The following PLG variants were observed in gnomAD, a reference collection of about 807,000 sequenced individuals.
PLG encodes the protein plasminogen.
PLG carries 41 observed loss-of-function variants against 104.4 expected under a neutral mutation model. The observed-to-expected ratio is 0.39, with a 90% CI of 0.31 to 0.51. PLG has a LOEUF of 0.51. PLG is among the 20% of genes least tolerant of loss of function. PLG has a pLI of 0.76. For missense variants in PLG, 891 were observed against 1,003.6 expected (o/e 0.89, Z 1.52); for synonymous variants, 337 against 357.1 (o/e 0.94, Z 0.63).
chr6:160,723,062 TATATG>T lies in PLG; in HGVS notation c.1256+497_1256+501del, dbSNP rs1375063998. Among the ~76,000 whole-genome samples the T allele has an allele frequency of 2.1e-5, 3 of 145,676 alleles. No individual in the cohort carries two copies. The highest frequency in any genetic ancestry group is 2.0e-4 in the Admixed American group (3 of 14,862). ...ATGTGTGCATATATAAATACACACA[TATATG>T]AGATATACAAGTATACATATATAGT... On this transcript the variant is annotated intron_variant, in intron 10 of 18. Coordinates refer to ENST00000308192, the MANE Select transcript of PLG (RefSeq NM_000301.5). The surrounding 1 kb of genome is among the most constrained non-coding windows in gnomAD (Gnocchi z 4.7).
rs1397973976 is a variant in PLG, at chr6:160,740,461, C to T, written c.2019-850C>T. On this transcript the variant is annotated intron_variant, in intron 16 of 18. Transcript: ENST00000308192. The surrounding 1 kb of genome is among the most constrained non-coding windows in gnomAD (Gnocchi z 5.2). ...ATACATTTCGAGTTTAGAGTTCCCA[C>T]CCCACATCCCCACACCCCGAGTCTA... is the stretch of plus-strand genomic sequence containing the variant. 6.6e-6 allele frequency among the ~76,000 whole-genome samples: 1 copy of T among 152,056 alleles called. No homozygotes were observed. Among genetic ancestry groups the T allele is most frequent in the African/African-American group, 2.4e-5 (1 of 41,396 alleles).
In PLG at chr6:160,737,058, C is replaced by A. The variant is rs1778097439; in HGVS notation, c.1802+51C>A. 6.2e-7 allele frequency: 1 copy of A among 1,607,732 alleles called. No homozygotes were observed. On this transcript the variant is annotated intron_variant, in intron 14 of 18. Coordinates refer to ENST00000308192, the MANE Select transcript of PLG (RefSeq NM_000301.5). The surrounding 1 kb of genome is among the most constrained non-coding windows in gnomAD (Gnocchi z 4.7). The stretch of plus-strand genomic sequence containing the variant: ...ATACTGTCCCTCCACGTAAGCCCTG[C>A]AAAACCCTTCTACATTTACATAAAA...
chr6:160,723,079 T>C lies in PLG; in HGVS notation c.1256+512T>C, dbSNP rs774246196. ...TACACACATATATGAGATATACAAG[T>C]ATACATATATAGTGTGTATATATAT... On this transcript the variant is annotated intron_variant, in intron 10 of 18. Transcript: ENST00000308192. The surrounding 1 kb of genome is among the most constrained non-coding windows in gnomAD (Gnocchi z 4.7). Among the ~76,000 whole-genome samples the C allele has an allele frequency of 6.6e-5, 10 of 151,376 alleles. No homozygotes were observed. The highest frequency in any genetic ancestry group is 1.5e-4 in the Non-Finnish European group (10 of 67,888).
At position 160,703,253 on chromosome 6, in the gene PLG, G is replaced by A. The variant is rs564082292; in HGVS notation, c.49+900G>A. On this transcript the variant is annotated intron_variant, in intron 1 of 18. Coordinates refer to ENST00000308192, the MANE Select transcript of PLG (RefSeq NM_000301.5). ...GAAAGAATATTCTAAACATGTCCTA[G>A]TACTTCTTTTTCTTTAAAAAAAAAA... Among the ~76,000 whole-genome samples, 123 of 139,624 alleles carry A rather than the reference G, an allele frequency of 8.8e-4. 1 individual carries two copies. Among genetic ancestry groups the A allele is most frequent in the African/African-American group, 3.3e-3 (120 of 36,768 alleles). The allele number at this position is 139,624 out of a possible 152,430, so 91.6% of individuals were successfully genotyped here.
chr6:160,743,976 T>G (rs2115183604), intron 17 of PLG, among the ~76,000 whole-genome samples: 1 of 152,374 alleles, frequency 6.6e-6, no homozygotes, highest in Non-Finnish European at 1.5e-5. Flanking sequence ...GATTTATGTA[T>G]GTTGAACCAA....
rs1477788487 is a variant in PLG, at chr6:160,739,804, AC to A, written c.2018+597del. ...AAAACAAAAAACAAACAAAAAAAAAACAACTTCACAATGTCAAAAAAATCAC... is the reference window on the plus strand; with the variant it reads ...AAAACAAAAAACAAACAAAAAAAAAAAACTTCACAATGTCAAAAAAATCAC... On this transcript the variant is annotated intron_variant, in intron 16 of 18. Coordinates refer to ENST00000308192, the MANE Select transcript of PLG (RefSeq NM_000301.5). The surrounding 1 kb of genome is among the most constrained non-coding windows in gnomAD (Gnocchi z 4.4). 1.3e-5 allele frequency among the ~76,000 whole-genome samples: 2 copies of A among 151,072 alleles called. No homozygotes were observed. Among genetic ancestry groups the A allele is most frequent in the East Asian group, 1.9e-4 (1 of 5,194 alleles).
chr6:160,711,608 T>TG, intron 4 of PLG: 1 of 1,610,464 alleles, frequency 6.2e-7, no homozygotes, highest in Admixed American at 1.7e-5. Flanking sequence ...TTGATGTCGA[T>TG]GTTCAACTAT....
At position 160,706,463 on chromosome 6, in the gene PLG, G is replaced by A; in HGVS notation, c.106G>A (p.Val36Ile). ...VNTQGASLFS[V>I]TKKQLGAGSI... ...TACCCAGGGGGCTTCACTGTTCAGT[G>A]TCACTAAGAAGCAGCTGGGAGCAGG... Residue 36 changes from valine (V) to isoleucine (I), a missense_variant, in exon 2 of 19, where the codon GTC (valine) becomes ATC (isoleucine). Val to Ile is a conservative substitution (Grantham distance 29). Coordinates refer to ENST00000308192, the MANE Select transcript of PLG (RefSeq NM_000301.5). The A allele has an allele frequency of 6.2e-7, 1 of 1,613,856 alleles. No individual in the cohort carries two copies. Among genetic ancestry groups the A allele is most frequent in the Non-Finnish European group, 8.5e-7 (1 of 1,179,770 alleles).
At chr6:160,718,998 T>G (rs945785588) in intron 9 of PLG, among the ~76,000 whole-genome samples, 160 bp downstream of exon 9, 1 of 152,222 alleles carries the variant, frequency 6.6e-6, no homozygotes, top group Non-Finnish European at 1.5e-5. Flanking sequence ...TGTTGAGGTT[T>G]GTTTTATGGT....
chr6:160,721,525 G>C (rs924791646), intron 9 of PLG, among the ~76,000 whole-genome samples: 5 of 152,212 alleles, frequency 3.3e-5, no homozygotes. Context: ...GGGGCCTGGG[G>C]TGCTAAAGAG....
chr6:160,714,748 T>C, intron 5 of PLG, 46 bp from the exon 6 acceptor site: 9 of 1,606,118 alleles, frequency 5.6e-6, no homozygotes, highest in Non-Finnish European at 6.8e-6. Context: ...CTTCATCCAT[T>C]TCAGTTTTCT....
At position 160,713,091 on chromosome 6, in the gene PLG, G is replaced by T; in HGVS notation, c.513G>T (p.Lys171Asn). ...GPWCYTTDPE[K>N]RYDYCDILEC... ...GGTGCTATACTACTGATCCAGAAAA[G>T]AGATATGACTACTGCGACATTCTTG... The change falls in exon 5 of 19, where the codon AAG becomes AAT. Residue 171 changes from lysine to asparagine, a missense_variant. Around this residue, in one of 2 missense-constraint regions of PLG, gnomAD observed 854 missense variants for 932.1 expected, o/e 0.92. Transcript: ENST00000308192. 6.2e-7 allele frequency: 1 copy of T among 1,610,754 alleles called. No individual in the cohort carries two copies. The highest frequency in any genetic ancestry group is 1.3e-5 in the African/African-American group (1 of 74,926).
chr6:160,707,354 C>T (rs969261895), intron 2 of PLG, among the ~76,000 whole-genome samples: 22 of 152,050 alleles, frequency 1.4e-4, no homozygotes, highest in African/African-American at 4.1e-4. Context: ...GTCATGGAGA[C>T]GGACTATCTT....
intron 4 of PLG, chr6:160,711,822 G>A (rs184411928): frequency 2.7e-5 from 40 of 1,480,102 alleles, no homozygotes; most frequent in Middle Eastern, 2.5e-4. Flanking sequence ...TCACATGTTC[G>A]ACTCAAATTG....
At position 160,731,667 on chromosome 6, in the gene PLG, C is replaced by T. The variant is rs1236317723; in HGVS notation, c.1439-78C>T. The T allele has an allele frequency of 9.3e-6, 13 of 1,402,772 alleles. No homozygotes were observed. The highest frequency in any genetic ancestry group is 4.6e-5 in the South Asian group (4 of 86,666). 86.9% of individuals were successfully genotyped at this position (1,402,772 alleles called of 1,614,324 possible). A position where few individuals can be genotyped will look rare whatever the true frequency, so the allele number is the denominator to read the frequency against. On this transcript the variant is annotated intron_variant, in intron 11 of 18. Transcript: ENST00000308192. This position sits in a 1 kb window ranked among gnomAD's most constrained non-coding sequence, Gnocchi z 5.1. Reference sequence around the variant, plus strand: ...CCCTGATTCTGTCATCCTAGAGAAACCTGACATGACTGTATTGATTCCATA... The same window carrying T: ...CCCTGATTCTGTCATCCTAGAGAAATCTGACATGACTGTATTGATTCCATA...
chr6:160,727,758 A>T (rs1480124769), intron 10 of PLG, among the ~76,000 whole-genome samples: 1 of 152,030 alleles, frequency 6.6e-6, no homozygotes, highest in Non-Finnish European at 1.5e-5. Flanking sequence ...TTAGCAAACT[A>T]TGAATAGACT....
At chr6:160,743,362 T>C (rs1221047266) in intron 17 of PLG, among the ~76,000 whole-genome samples, 1 of 152,176 alleles carries the variant, frequency 6.6e-6, no homozygotes, top group Admixed American at 6.5e-5. Flanking sequence ...ATTCTTATTG[T>C]AGAGATCTTT....
At chr6:160,703,711 A>G (rs1654638149) in intron 1 of PLG, among the ~76,000 whole-genome samples, 1 of 152,220 alleles carries the variant, frequency 6.6e-6, no homozygotes, top group African/African-American at 2.4e-5. Flanking sequence ...AAATTGGTGT[A>G]TGTTGGGGGG....
rs1446344255 is a variant in PLG at position 160,725,320 on chromosome 6, T to C, written c.1256+2753T>C. ...TGTAAAAGTAAAAATTTCTAAATAA[T>C]AATAATCACATAAATAATGTAGGAA... On this transcript the variant is annotated intron_variant, in intron 10 of 18. Coordinates refer to ENST00000308192, the MANE Select transcript of PLG (RefSeq NM_000301.5). The surrounding 1 kb of genome is among the most constrained non-coding windows in gnomAD (Gnocchi z 6.3). Among the ~76,000 whole-genome samples, 1 of 152,112 alleles carries C rather than the reference T, an allele frequency of 6.6e-6. No homozygotes were observed. Among genetic ancestry groups the C allele is most frequent in the Admixed American group, 6.5e-5 (1 of 15,290 alleles).
Sources: gnomAD v4.1 joint callset for allele counts (sites outside exome capture counted in the v4.1 genomes callset) on GRCh38, gnomAD v4.1.1 for gene constraint, gnomAD v4.1.1 regional missense constraint, Gnocchi (gnomAD v3.1) non-coding constraint, MANE v1.5 for transcripts, NCBI Gene and HGNC (gene_info 2026-07-23, HGNC 2026-07-21) for gene names.